DSCAM: variants seen among roughly 807,000 people sequenced by gnomAD.
The protein encoded by DSCAM is DS cell adhesion molecule.
In DSCAM, 47 loss-of-function variants were observed where a neutral mutation model predicts 217.7. That is an observed-to-expected ratio of 0.22 (90% CI 0.17 to 0.28). The LOEUF (loss-of-function observed/expected upper bound fraction) is 0.28, where lower values mean the gene tolerates loss of function less well. DSCAM is among the 10% of genes least tolerant of loss of function. The pLI is 1.00. For synonymous variants in DSCAM, 1,056 were observed against 1,015.3 expected, an observed-to-expected ratio of 1.04 and a Z score of -0.76; for missense variants, 2,080 against 2,618.3, an observed-to-expected ratio of 0.79 and a Z score of 4.49.
chr21:40,015,587 G>T (rs1473855168), intron 32 of DSCAM, among the ~76,000 whole-genome samples: 1 of 152,146 alleles, frequency 6.6e-6, no homozygotes, highest in Non-Finnish European at 1.5e-5. Flanking sequence ...ATACCACCAT[G>T]CCTGGCTAAT....
chr21:40,741,862 A>G (rs2091127269), intron 1 of DSCAM, among the ~76,000 whole-genome samples: 1 of 152,166 alleles, frequency 6.6e-6, no homozygotes, highest in East Asian at 1.9e-4. Flanking sequence ...GTGTTCTTGT[A>G]TTGACTATTC....
intron 2 of DSCAM, 140 bp from the exon 3 acceptor site, chr21:40,693,096 C>T (rs2090556223): frequency 1.0e-6 from 1 of 977,862 alleles, no homozygotes; most frequent in Non-Finnish European, 1.4e-6. Flanking sequence ...AAGATGCCTA[C>T]ATTTCACGTC....
chr21:40,538,224 A>G (rs1316168414), intron 3 of DSCAM, among the ~76,000 whole-genome samples: 1 of 152,098 alleles, frequency 6.6e-6, no homozygotes, highest in Non-Finnish European at 1.5e-5. Context: ...GTGTTTGATC[A>G]AGAGATGGGG....
At chr21:40,599,012 T>C (rs893147696) in intron 3 of DSCAM, among the ~76,000 whole-genome samples, 12 of 152,214 alleles carry the variant, frequency 7.9e-5, no homozygotes, top group African/African-American at 2.9e-4. Flanking sequence ...GGTGAGGTGA[T>C]CTTCCAGATC....
At chr21:40,409,834 T>C (rs1393151346) in intron 3 of DSCAM, among the ~76,000 whole-genome samples, 4 of 152,228 alleles carry the variant, frequency 2.6e-5, no homozygotes, top group Admixed American at 6.5e-5. Flanking sequence ...TGGAATCATA[T>C]TGAGGCCAAG....
intron 4 of DSCAM, among the ~76,000 whole-genome samples, chr21:40,362,057 A>G (rs527845911): frequency 1.3e-5 from 2 of 152,256 alleles, no homozygotes; most frequent in Non-Finnish European, 2.9e-5. Context: ...TTTACTGAGA[A>G]TGATGATTTC....
At chr21:40,598,733 G>GA (rs2077040857) in intron 3 of DSCAM, among the ~76,000 whole-genome samples, 1 of 151,844 alleles carries the variant, frequency 6.6e-6, no homozygotes, top group Non-Finnish European at 1.5e-5. Context: ...TTGATCTCTT[G>GA]ACCTTGTGAT....
intron 1 of DSCAM, among the ~76,000 whole-genome samples, chr21:40,780,253 G>A (rs112527984): frequency 1.1e-4 from 16 of 151,974 alleles, no homozygotes; most frequent in African/African-American, 3.9e-4. Context: ...GAAGCTAAGG[G>A]ACCACCCACC....
chr21:40,079,183 G>A (rs2089416992), intron 25 of DSCAM, among the ~76,000 whole-genome samples: 1 of 152,224 alleles, frequency 6.6e-6, no homozygotes, highest in Admixed American at 6.5e-5. Context: ...CTGGGTGTGT[G>A]ACAGAAAATT....
intron 3 of DSCAM, among the ~76,000 whole-genome samples, chr21:40,482,080 A>G (rs2075988094): frequency 6.6e-6 from 1 of 151,948 alleles, no homozygotes; most frequent in East Asian, 1.9e-4. Flanking sequence ...GCAGCCTCTC[A>G]CCTCCTTGTG....
intron 1 of DSCAM, among the ~76,000 whole-genome samples, chr21:40,731,333 C>T (rs1294360112): frequency 6.6e-6 from 1 of 152,168 alleles, no homozygotes; most frequent in Non-Finnish European, 1.5e-5. Flanking sequence ...ACAGACACTG[C>T]ATGATCTCAT....
chr21:40,051,009 T>C (rs1038914457), intron 30 of DSCAM, among the ~76,000 whole-genome samples: 1 of 152,214 alleles, frequency 6.6e-6, no homozygotes, highest in African/African-American at 2.4e-5. Context: ...ACAATGTTAT[T>C]TCGTAGGCAA....
chr21:40,282,325 C>T (rs545473551), intron 10 of DSCAM, among the ~76,000 whole-genome samples: 3 of 152,070 alleles, frequency 2.0e-5, no homozygotes, highest in South Asian at 2.1e-4. Context: ...CGGTGGCTCA[C>T]GCCTGTAATC....
At chr21:40,306,217 G>A (rs1390785793) in intron 9 of DSCAM, among the ~76,000 whole-genome samples, 3 of 145,828 alleles carry the variant, frequency 2.1e-5, no homozygotes, top group Non-Finnish European at 3.0e-5. Flanking sequence ...GTGAATGGGA[G>A]TTCACTCATA....
chr21:40,182,669 C>CGGG (rs1568986503), intron 14 of DSCAM, among the ~76,000 whole-genome samples: 5 of 17,738 alleles, frequency 2.8e-4, no homozygotes, highest in Admixed American at 7.1e-4. Context: ...AAACCGTGGA[C>CGGG]AGGGGGGGGT....
At chr21:40,183,186 G>T (rs1324469522) in intron 14 of DSCAM, among the ~76,000 whole-genome samples, 3 of 152,080 alleles carry the variant, frequency 2.0e-5, no homozygotes, top group Non-Finnish European at 4.4e-5. Flanking sequence ...ACTCTGAAGG[G>T]CAGGCTGCCT....
chr21:40,773,308 T>C (rs1454987279), intron 1 of DSCAM, among the ~76,000 whole-genome samples: 1 of 152,214 alleles, frequency 6.6e-6, no homozygotes, highest in East Asian at 1.9e-4. Flanking sequence ...TTAATTCCCA[T>C]GCCTCTCTTA....
chr21:40,715,684 G>A (rs1338541114), intron 1 of DSCAM, among the ~76,000 whole-genome samples: 1 of 152,138 alleles, frequency 6.6e-6, no homozygotes, highest in Non-Finnish European at 1.5e-5. Flanking sequence ...AATGCTGATA[G>A]TAGCACTGTA....
In DSCAM at chr21:40,235,551, T is replaced by C. The variant is rs535959814; in HGVS notation, c.2356+40546A>G. Among the ~76,000 whole-genome samples the C allele has an allele frequency of 8.5e-5, 13 of 152,188 alleles. 1 individual carries two copies. Among genetic ancestry groups the C allele is most frequent in the Non-Finnish European group, 1.6e-4 (11 of 68,000 alleles). On this transcript the variant is annotated intron_variant, in intron 11 of 32. Coordinates refer to ENST00000400454, the MANE Select transcript of DSCAM (RefSeq NM_001389.5). ...TCAGCTGAAATAATGGAAAACAGAA[T>C]TTAGTTCTCAAGGACCATTCGGAAG... is the stretch of plus-strand genomic sequence containing the variant.
Sources: gnomAD v4.1 joint callset for allele counts (sites outside exome capture counted in the v4.1 genomes callset) on GRCh38, gnomAD v4.1.1 for gene constraint, MANE v1.5 for transcripts, NCBI Gene and HGNC (gene_info 2026-07-23, HGNC 2026-07-21) for gene names.